The following COL8A1 variants were observed in gnomAD, a reference collection of about 807,000 sequenced individuals.
COL8A1 encodes the protein collagen type VIII alpha 1 chain.
A neutral mutation model predicts 42.7 loss-of-function variants in COL8A1; 21 were observed. The ratio of observed to expected loss-of-function variants is 0.49; its 90% CI spans 0.35 to 0.71. COL8A1 has a LOEUF of 0.71. Ranked by LOEUF, COL8A1 falls within the 30% of genes least tolerant of loss-of-function variation. The probability of loss-of-function intolerance (pLI) is 0.01; values close to 1 mark genes in which losing one functional copy is unlikely to be tolerated. For synonymous variants in COL8A1, 367 were observed against 369.1 expected (o/e 0.99, Z 0.06); for missense variants, 788 against 962.4 (o/e 0.82, Z 2.40).
intron 1 of COL8A1, among the ~76,000 whole-genome samples, chr3:99,639,506 T>C (rs927855982): frequency 2.0e-5 from 3 of 152,242 alleles, no homozygotes; most frequent in Non-Finnish European, 4.4e-5. Flanking sequence ...GTTTTAATCC[T>C]TCTTTCCACC....
intron 1 of COL8A1, among the ~76,000 whole-genome samples, chr3:99,721,914 T>C (rs1308007791): frequency 6.6e-6 from 1 of 151,974 alleles, no homozygotes; most frequent in Non-Finnish European, 1.5e-5. Flanking sequence ...GTGATGTGGC[T>C]AACTGTGATG....
chr3:99,717,232 A>G (rs1221619751), intron 1 of COL8A1, among the ~76,000 whole-genome samples: 1 of 152,060 alleles, frequency 6.6e-6, no homozygotes. Flanking sequence ...ATTGGCACAA[A>G]ATAGGCATTT....
At chr3:99,784,609 T>C (rs543401291) in intron 2 of COL8A1, among the ~76,000 whole-genome samples, 1 of 152,322 alleles carries the variant, frequency 6.6e-6, no homozygotes, top group African/African-American at 2.4e-5. Context: ...CAATGGTAAG[T>C]ATTTGTGTAT....
At chr3:99,721,557 C>G (rs574693560) in intron 1 of COL8A1, among the ~76,000 whole-genome samples, 1 of 151,928 alleles carries the variant, frequency 6.6e-6, no homozygotes, top group East Asian at 1.9e-4. Context: ...CCAAAGGAAA[C>G]GGCTGGAAAC....
intron 1 of COL8A1, among the ~76,000 whole-genome samples, chr3:99,655,805 C>T (rs1200707425): frequency 6.6e-6 from 1 of 152,170 alleles, no homozygotes; most frequent in African/African-American, 2.4e-5. Flanking sequence ...AATGTTAACA[C>T]ACGTGGTTCT....
At chr3:99,656,328 A>C (rs1040566469) in intron 1 of COL8A1, among the ~76,000 whole-genome samples, 1 of 152,174 alleles carries the variant, frequency 6.6e-6, no homozygotes, top group Non-Finnish European at 1.5e-5. Flanking sequence ...TCTCCCTAAC[A>C]CACAGTAGAA....
intron 1 of COL8A1, among the ~76,000 whole-genome samples, chr3:99,642,136 A>G (rs538355729): frequency 6.6e-6 from 1 of 152,288 alleles, no homozygotes; most frequent in East Asian, 1.9e-4. Context: ...GCTCTATTAA[A>G]CTTCCCCTTT....
chr3:99,779,799 T>C (rs1192211165), intron 2 of COL8A1, among the ~76,000 whole-genome samples: 4 of 150,346 alleles, frequency 2.7e-5, no homozygotes, highest in Admixed American at 1.3e-4. Context: ...GAAAAATGCC[T>C]CCATGATCCT....
chr3:99,716,475 T>A lies in COL8A1; in HGVS notation c.-128-28422T>A, dbSNP rs2107363603. Among the ~76,000 whole-genome samples the A allele has an allele frequency of 1.3e-5, 2 of 152,170 alleles. 1 individual carries two copies. Among genetic ancestry groups the A allele is most frequent in the South Asian group, 4.1e-4 (2 of 4,828 alleles). ...GATAATACATAGATTCATTTAATAA[T>A]ATTGACAGTGAAATTTTTATATGCA... is the stretch of plus-strand genomic sequence containing the variant. On this transcript the variant is annotated intron_variant, in intron 1 of 3. Coordinates refer to ENST00000652472, the MANE Select transcript of COL8A1 (RefSeq NM_020351.4).
chr3:99,654,862 A>G (rs868178827), intron 1 of COL8A1, among the ~76,000 whole-genome samples: 1 of 152,298 alleles, frequency 6.6e-6, no homozygotes, highest in Middle Eastern at 3.4e-3. Flanking sequence ...CATAAAAACA[A>G]AGGAAGAAGG....
intron 1 of COL8A1, among the ~76,000 whole-genome samples, chr3:99,709,717 G>C (rs1001932215): frequency 6.6e-6 from 1 of 152,160 alleles, no homozygotes; most frequent in Non-Finnish European, 1.5e-5. Context: ...TTTGACCTGT[G>C]TGATCACATC....
intron 1 of COL8A1, among the ~76,000 whole-genome samples, chr3:99,670,832 G>A (rs1216392124): frequency 6.6e-6 from 1 of 151,710 alleles, no homozygotes; most frequent in East Asian, 1.9e-4. Context: ...CTTTTTTAGA[G>A]TCCACATATA....
intron 1 of COL8A1, among the ~76,000 whole-genome samples, chr3:99,702,066 A>G (rs1330258935): frequency 6.6e-6 from 1 of 152,208 alleles, no homozygotes; most frequent in Non-Finnish European, 1.5e-5. Flanking sequence ...AAAAGGCAAT[A>G]GAAAGACTTC....
intron 1 of COL8A1, among the ~76,000 whole-genome samples, chr3:99,713,050 A>G (rs958858565): frequency 6.6e-6 from 1 of 152,112 alleles, no homozygotes; most frequent in Admixed American, 6.6e-5. Context: ...AAATTCTGAT[A>G]ATAGTAGCTA....
intron 1 of COL8A1, among the ~76,000 whole-genome samples, chr3:99,669,146 T>TATAGAGAGAGAG: frequency 8.7e-6 from 1 of 115,364 alleles, no homozygotes; most frequent in Non-Finnish European, 1.8e-5. Flanking sequence ...TATATATATA[T>TATAGAGAGAGAG]AGAGGGAGAG....
intron 2 of COL8A1, among the ~76,000 whole-genome samples, chr3:99,746,038 G>T (rs1045108893): frequency 2.6e-5 from 4 of 152,072 alleles, no homozygotes; most frequent in Non-Finnish European, 5.9e-5. Context: ...GAATTGCTAA[G>T]ATTCCCCAGA....
chr3:99,725,007 G>T (rs527529333), intron 1 of COL8A1, among the ~76,000 whole-genome samples: 295 of 152,100 alleles, frequency 1.9e-3, no homozygotes, highest in African/African-American at 6.8e-3. Flanking sequence ...TTGTGGTAAG[G>T]ATTAAATGAT....
intron 1 of COL8A1, among the ~76,000 whole-genome samples, chr3:99,687,530 C>T (rs1939100856): frequency 6.6e-6 from 1 of 152,128 alleles, no homozygotes; most frequent in African/African-American, 2.4e-5. Flanking sequence ...TATGCCTGGG[C>T]AGGAAGCTGC....
chr3:99,709,018 T>G (rs1291757976), intron 1 of COL8A1, among the ~76,000 whole-genome samples: 9 of 151,472 alleles, frequency 5.9e-5, no homozygotes, highest in Non-Finnish European at 1.0e-4. Context: ...ACAAGCAGGC[T>G]TAACACCCCC....
Sources: allele counts gnomAD v4.1 joint callset (sites outside exome capture counted in the v4.1 genomes callset), GRCh38; gene constraint gnomAD v4.1.1; transcripts MANE v1.5; gene names NCBI Gene and HGNC (gene_info 2026-07-23, HGNC 2026-07-21).